Variants in RIF1 observed in about 807,000 individuals in gnomAD.
RIF1 encodes telomere-associated protein RIF1.
In RIF1, 45 loss-of-function variants were observed where a neutral mutation model predicts 247.1. That is an observed-to-expected ratio of 0.18 (90% CI 0.14 to 0.23). The LOEUF (loss-of-function observed/expected upper bound fraction) is 0.23, where lower values mean the gene tolerates loss of function less well. RIF1 is among the 10% of genes least tolerant of loss of function. The pLI is 1.00. For missense variants in RIF1, 2,967 were observed against 2,862.5 expected (o/e 1.04, Z -0.83); for synonymous variants, 1,087 against 978.8 (o/e 1.11, Z -2.06).
intron 21 of RIF1, 69 bp from the exon 22 acceptor site, chr2:151,454,826 G>T: frequency 8.4e-7 from 1 of 1,186,676 alleles, no homozygotes; most frequent in Non-Finnish European, 1.2e-6. Context: ...GCTATAAATT[G>T]TAAAAGTGGA....
chr2:151,513,790 C>A, the RIF1 span: 1 of 812,498 alleles, frequency 1.2e-6, no homozygotes, highest in African/African-American at 1.7e-5. Flanking sequence ...CACGCCACCC[C>A]AGTTGTCACA....
chr2:151,425,660 C>CCTT (rs1688925946), intron 8 of RIF1, among the ~76,000 whole-genome samples: 1 of 83,688 alleles, frequency 1.2e-5, no homozygotes, highest in African/African-American at 4.7e-5. Context: ...TTGTGGTACC[C>CCTT]TTTTTTTTTT....
At position 151,409,966 on chromosome 2, in the gene RIF1, G is replaced by C. The variant is rs1017300292; in HGVS notation, c.-78G>C. 8.5e-6 allele frequency: 6 copies of C among 701,902 alleles called. No homozygotes were observed. The highest frequency in any genetic ancestry group is 1.6e-5 in the Non-Finnish European group (6 of 384,674). The allele number at this position is 701,902 out of a possible 1,614,324, so 43.5% of individuals were successfully genotyped here. The stretch of plus-strand genomic sequence containing the variant: ...TGAGTAAACAGCCGGAGCTGGGAAA[G>C]TCGAGCTCTGGCAGCGTCTGGGTGC... On this transcript the variant is annotated 5_prime_UTR_variant, in exon 1 of 36. Coordinates refer to ENST00000444746, the MANE Select transcript of RIF1 (RefSeq NM_018151.5).
In RIF1 at chr2:151,463,395, G is replaced by A. The variant is rs935316543; in HGVS notation, c.3875G>A (p.Gly1292Asp). The change falls in exon 30 of 36, where the codon GGT (glycine) becomes GAT (aspartate). Residue 1292 changes from glycine to aspartate, a missense_variant. Coordinates refer to ENST00000444746, the MANE Select transcript of RIF1 (RefSeq NM_018151.5). The part of the protein sequence containing the change: ...NGTKRSSRRA[G>D]KAEQTGNKRS... ...ACTAAGAGATCAAGCCGGAGAGCTG[G>A]TAAAGCTGAACAAACAGGGAATAAA... 3.7e-6 allele frequency: 6 copies of A among 1,613,988 alleles called. No homozygotes were observed. The highest frequency in any genetic ancestry group is 8.5e-7 in the Non-Finnish European group (1 of 1,179,984).
chr2:151,503,039 A>G (rs2065922857), exon 12 of RIF1: 1 of 602,324 alleles, frequency 1.7e-6, no homozygotes, highest in Admixed American at 3.3e-5. Context: ...CACAGTTTTA[A>G]TGATGAACTC....
chr2:151,467,884 GA>G, intron 30 of RIF1, 115 bp from the exon 31 acceptor site: 1 of 934,838 alleles, frequency 1.1e-6, no homozygotes, highest in Non-Finnish European at 1.6e-6. Flanking sequence ...GACTTCTGGT[GA>G]AATAAATTTT....
the RIF1 span, among the ~76,000 whole-genome samples, chr2:151,529,513 G>A: frequency 6.6e-6 from 1 of 151,612 alleles, no homozygotes; most frequent in Non-Finnish European, 1.5e-5. Flanking sequence ...CACTGACTAT[G>A]GTCATCAGTG....
chr2:151,482,636 A>G (rs563154591), downstream of RIF1, among the ~76,000 whole-genome samples: 1 of 152,310 alleles, frequency 6.6e-6, no homozygotes, highest in Admixed American at 6.5e-5. Context: ...TGTTGATGGC[A>G]GCCGAAGAAA....
At chr2:151,507,079 T>C (rs2069656488) in intron 13 of RIF1, 7 of 997,958 alleles carry the variant, frequency 7.0e-6, no homozygotes, top group Non-Finnish European at 1.1e-5. Context: ...ATTTGTCCTA[T>C]ATTATGTGAA....
the RIF1 span, chr2:151,513,648 G>C: frequency 1.2e-6 from 2 of 1,609,684 alleles, no homozygotes; most frequent in East Asian, 4.5e-5. Flanking sequence ...ATGGCATTCA[G>C]GCCTCTTCCT....
At chr2:151,425,925 C>T (rs181796007) in intron 8 of RIF1, among the ~76,000 whole-genome samples, 1 of 151,502 alleles carries the variant, frequency 6.6e-6, no homozygotes, top group African/African-American at 2.4e-5. Flanking sequence ...GAGATCCACC[C>T]GCCTCGACCT....
At chr2:151,424,301 A>C (rs1267637332) in intron 8 of RIF1, among the ~76,000 whole-genome samples, 1 of 152,094 alleles carries the variant, frequency 6.6e-6, no homozygotes, top group African/African-American at 2.4e-5. Flanking sequence ...ATAGGATTTC[A>C]CCATGTTGAC....
At chr2:151,485,689 G>T, downstream of RIF1, 1 of 1,423,256 alleles carries the variant, frequency 7.0e-7, no homozygotes. Flanking sequence ...AGGTAACAGT[G>T]GAGAGTCTAA....
chr2:151,528,009 A>T, the RIF1 span, among the ~76,000 whole-genome samples: 49 of 152,354 alleles, frequency 3.2e-4, no homozygotes, highest in East Asian at 5.6e-3. Context: ...AATGAATTAT[A>T]AAATTTTATA....
rs1696704781 is a variant in RIF1, at chr2:151,465,096, T to G, written c.5576T>G (p.Phe1859Cys). 1 of 1,603,934 alleles carries G rather than the reference T, an allele frequency of 6.2e-7. No individual in the cohort carries two copies. Residue 1859 changes from phenylalanine (F) to cysteine (C), a missense_variant, in exon 30 of 36, where the codon TTT becomes TGT. Transcript: ENST00000444746. ...AGCCAGGAGTCACCTAATGAAAATT[T>G]TAAAACTGTTGGCCCGTGTTTAGGA... ...LESQESPNEN[F>C]KTVGPCLGDS... is the part of the protein sequence containing the mutation.
chr2:151,505,017 A>T (rs2067675375), intron 12 of RIF1, among the ~76,000 whole-genome samples: 1 of 152,248 alleles, frequency 6.6e-6, no homozygotes, highest in African/African-American at 2.4e-5. Flanking sequence ...GTCTTTTTGG[A>T]CACTGGGAAT....
chr2:151,502,147 C>CTGAT (rs2065119484), intron 11 of RIF1, among the ~76,000 whole-genome samples: 2 of 152,240 alleles, frequency 1.3e-5, no homozygotes, highest in South Asian at 4.1e-4. Context: ...TATGTTCTCA[C>CTGAT]TGATATGTGG....
At chr2:151,460,243 G>C (rs965833790) in intron 26 of RIF1, 124 bp downstream of exon 26, 1 of 738,598 alleles carries the variant, frequency 1.4e-6, no homozygotes, top group Non-Finnish European at 2.1e-6. Context: ...CAGGGGAATT[G>C]AGGGCATTTG....
chr2:151,458,045 T>C, intron 24 of RIF1, 82 bp downstream of exon 24: 1 of 958,272 alleles, frequency 1.0e-6, no homozygotes, highest in Non-Finnish European at 1.6e-6. Flanking sequence ...AATAATCTTT[T>C]CTTATGGGGT....
Sources: gnomAD v4.1 joint callset for allele counts (sites outside exome capture counted in the v4.1 genomes callset) on GRCh38, gnomAD v4.1.1 for gene constraint, MANE v1.5 for transcripts, NCBI Gene and HGNC (gene_info 2026-07-23, HGNC 2026-07-21) for gene names.